The following TEKT3 variants were observed in gnomAD, a reference collection of about 807,000 sequenced individuals.
The protein encoded by TEKT3 is tektin-3.
A neutral mutation model predicts 49.8 loss-of-function variants in TEKT3; 49 were observed. That is an observed-to-expected ratio of 0.98 (90% CI 0.78 to 1.25). The LOEUF is 1.25. Ranked by LOEUF, TEKT3 falls within the 50% of genes most tolerant of loss-of-function variation. TEKT3 has a pLI of 0.00. For synonymous variants in TEKT3, 225 were observed against 237.2 expected, an observed-to-expected ratio of 0.95 and a Z score of 0.47; for missense variants, 595 against 629.5, an observed-to-expected ratio of 0.95 and a Z score of 0.59.
chr17:15,331,827 C>T (rs1481639397), intron 2 of TEKT3, among the ~76,000 whole-genome samples: 1 of 152,024 alleles, frequency 6.6e-6, no homozygotes, highest in East Asian at 1.9e-4. Flanking sequence ...ATAAAGATCA[C>T]ATTTTTATTG....
chr17:15,337,204 C>T (rs1912012984), intron 2 of TEKT3, among the ~76,000 whole-genome samples: 1 of 151,874 alleles, frequency 6.6e-6, no homozygotes, highest in African/African-American at 2.4e-5. Flanking sequence ...TAAGTAAAAG[C>T]TCTTTGAGGT....
chr17:15,326,954 A>G lies in TEKT3; in HGVS notation c.663+1038T>C, dbSNP rs537455596. 7.4e-4 allele frequency among the ~76,000 whole-genome samples: 112 copies of G among 152,314 alleles called. 1 individual carries two copies. The highest frequency in any genetic ancestry group is 4.1e-4 in the South Asian group (2 of 4,826). ...ATGCAACTGTAAGTTTCTGGATGGC[A>G]ATTTGGCTACATATCAAAAGCTTTC... On this transcript the variant is annotated intron_variant, in intron 4 of 8. Transcript: ENST00000395930.
At chr17:15,308,321 T>C (rs192747216) in intron 8 of TEKT3, among the ~76,000 whole-genome samples, 24 of 152,316 alleles carry the variant, frequency 1.6e-4, no homozygotes, top group Admixed American at 1.4e-3. Flanking sequence ...GTTAAAGGCT[T>C]AATAGCACTT....
intron 4 of TEKT3, among the ~76,000 whole-genome samples, chr17:15,325,562 A>ATTTTTAAAAT (rs1911454247): frequency 6.6e-6 from 1 of 152,146 alleles, no homozygotes; most frequent in African/African-American, 2.4e-5. Flanking sequence ...TGGGTGTGGG[A>ATTTTTAAAAT]CCCAGCCATT....
chr17:15,306,345 G>A (rs1319372291), intron 8 of TEKT3, among the ~76,000 whole-genome samples: 2 of 151,994 alleles, frequency 1.3e-5, no homozygotes, highest in Non-Finnish European at 2.9e-5. Flanking sequence ...GACCGCCGAA[G>A]GGCTGCTTTC....
intron 4 of TEKT3, among the ~76,000 whole-genome samples, chr17:15,323,778 C>G (rs1460480175): frequency 6.6e-6 from 1 of 152,164 alleles, no homozygotes; most frequent in Non-Finnish European, 1.5e-5. Context: ...AAGCTCCTCC[C>G]TCAATTCATG....
At chr17:15,323,180 A>G (rs555426861) in intron 4 of TEKT3, among the ~76,000 whole-genome samples, 3 of 152,332 alleles carry the variant, frequency 2.0e-5, no homozygotes, top group African/African-American at 7.2e-5. Flanking sequence ...GAAATGCTGA[A>G]ACGTCTCTCC....
At chr17:15,317,181 G>A (rs1460298203) in intron 5 of TEKT3, among the ~76,000 whole-genome samples, 1 of 152,152 alleles carries the variant, frequency 6.6e-6, no homozygotes, top group East Asian at 1.9e-4. Context: ...CTCCTTAAAG[G>A]ATCAACAACA....
Position 15,328,030 on chromosome 17 carries a change from C to G in TEKT3, c.625G>C (p.Asp209His). Residue 209 changes from aspartate to histidine, a missense_variant, in exon 4 of 9, where the codon GAC becomes CAC. By Grantham distance (81) the Asp-to-His change is moderately conservative. Coordinates refer to ENST00000395930, the MANE Select transcript of TEKT3 (RefSeq NM_031898.3). ...GCTTCAACTTCATCGTGAACTAGGT[C>G]GATTCCCATTCTCTTTTCTCGATGA... ...LFHREKRMGIDLVHDEVEAQL... is the reference protein window; with the variant it reads ...LFHREKRMGIHLVHDEVEAQL... 1 of 1,614,040 alleles carries G rather than the reference C, an allele frequency of 6.2e-7. No homozygotes were observed. The highest frequency in any genetic ancestry group is 1.3e-5 in the African/African-American group (1 of 75,044).
chr17:15,317,813 C>T (rs1450065241), intron 5 of TEKT3, among the ~76,000 whole-genome samples: 1 of 151,766 alleles, frequency 6.6e-6, no homozygotes, highest in African/African-American at 2.4e-5. Flanking sequence ...AACTCCTCAT[C>T]CCACCCCCAA....
chr17:15,308,283 C>T (rs1192737563), intron 8 of TEKT3, among the ~76,000 whole-genome samples: 1 of 152,160 alleles, frequency 6.6e-6, no homozygotes, highest in African/African-American at 2.4e-5. Context: ...CAAAAGAACC[C>T]GAACACCACA....
intron 7 of TEKT3, among the ~76,000 whole-genome samples, chr17:15,309,346 T>C (rs1006459619): frequency 6.6e-6 from 1 of 152,202 alleles, no homozygotes; most frequent in Non-Finnish European, 1.5e-5. Context: ...CAGGCTTCAG[T>C]TTCAGGTACC....
In TEKT3 at chr17:15,314,176, C is replaced by T. The variant is rs760858604; in HGVS notation, c.789G>A (p.Thr263=). 8.9e-5 allele frequency: 143 copies of T among 1,614,086 alleles called. No individual in the cohort carries two copies. Among genetic ancestry groups the T allele is most frequent in the Non-Finnish European group, 1.2e-4 (137 of 1,180,044 alleles). The change falls in exon 6 of 9, where the codon ACG becomes ACA. Residue 263 remains threonine (T), a synonymous_variant. Coordinates refer to ENST00000395930, the MANE Select transcript of TEKT3 (RefSeq NM_031898.3). ...ELEKDLSDKQ[T]AYRIDDKCHH... ...GGCATTTGTCGTCGATCCGGTAAGC[C>T]GTCTGTTTGTCACTCAGGTCCTTTT...
chr17:15,323,441 TCCAAG>T (rs1367860338), intron 4 of TEKT3, among the ~76,000 whole-genome samples: 22 of 107,688 alleles, frequency 2.0e-4, no homozygotes, highest in Admixed American at 1.9e-3. Flanking sequence ...GGCTCCAAAG[TCCAAG>T]GAGTCAGTAC....
chr17:15,338,531 T>G, intron 2 of TEKT3: 1 of 149,186 alleles, frequency 6.7e-6, no homozygotes, highest in Non-Finnish European at 1.5e-5. Context: ...TGAGATGGAG[T>G]CTCGCTCTGT....
In TEKT3 at chr17:15,309,031, C is replaced by T. The variant is rs79142950; in HGVS notation, c.1102-213G>A. On this transcript the variant is annotated intron_variant, in intron 7 of 8. Coordinates refer to ENST00000395930, the MANE Select transcript of TEKT3 (RefSeq NM_031898.3). Reference sequence around the variant, plus strand: ...GCATGCACCTGCTCTGGAGAGTGGGCGGCGCCTCTCTCCCCAACCCTAGGC... The same window carrying T: ...GCATGCACCTGCTCTGGAGAGTGGGTGGCGCCTCTCTCCCCAACCCTAGGC... Among the ~76,000 whole-genome samples, 946 of 152,198 alleles carry T rather than the reference C, an allele frequency of 6.2e-3. 6 individuals carry two copies. The highest frequency in any genetic ancestry group is 0.021 in the African/African-American group (861 of 41,526).
chr17:15,317,913 C>T (rs974593633), intron 5 of TEKT3, among the ~76,000 whole-genome samples: 1 of 150,766 alleles, frequency 6.6e-6, no homozygotes, highest in South Asian at 2.1e-4. Flanking sequence ...GATGGGTTAA[C>T]AGTTACAATG....
chr17:15,306,622 T>C (rs142637047), intron 8 of TEKT3, among the ~76,000 whole-genome samples: 242 of 152,084 alleles, frequency 1.6e-3, no homozygotes, highest in African/African-American at 5.5e-3. Context: ...GCCTCATTGT[T>C]TGATAATTCC....
intron 2 of TEKT3, among the ~76,000 whole-genome samples, 169 bp downstream of exon 2, chr17:15,339,859 A>G (rs1470927212): frequency 6.6e-6 from 1 of 152,220 alleles, no homozygotes; most frequent in African/African-American, 2.4e-5. Context: ...CATATCAGAC[A>G]TCAATGTTTA....
Sources: gnomAD v4.1 joint callset for allele counts (sites outside exome capture counted in the v4.1 genomes callset) on GRCh38, gnomAD v4.1.1 for gene constraint, MANE v1.5 for transcripts, NCBI Gene and HGNC (gene_info 2026-07-23, HGNC 2026-07-21) for gene names.